PILRB: variants seen among roughly 807,000 people sequenced by gnomAD.
The protein encoded by PILRB is paired immunoglobin like type 2 receptor beta, also known as paired immunoglobulin-like type 2 receptor beta.
PILRB carries 21 observed loss-of-function variants against 20.5 expected under a neutral mutation model. That is an observed-to-expected ratio of 1.02 (90% CI 0.72 to 1.47). The LOEUF (loss-of-function observed/expected upper bound fraction) is 1.47, where lower values mean the gene tolerates loss of function less well. PILRB is among the 40% of genes most tolerant of loss of function. PILRB has a pLI of 0.00. For missense variants in PILRB, 253 were observed against 272.1 expected (o/e 0.93, Z 0.49); for synonymous variants, 133 against 115.1 (o/e 1.16, Z -0.99).
chr7:100,367,392 G>A lies in PILRB; in HGVS notation c.*15G>A. 1.3e-6 allele frequency: 1 copy of A among 781,026 alleles called. No homozygotes were observed. The allele number at this position is 781,026 out of a possible 1,614,324, so 48.4% of individuals were successfully genotyped here. On this transcript the variant is annotated 3_prime_UTR_variant, in exon 4 of 4. Coordinates refer to ENST00000609309, the MANE Select transcript of PILRB (RefSeq NM_178238.4). ...GTGACTTCTGACCAACAGAGTGTGG[G>A]GAGAAGGGATGTGTATTAGCCCCGG... is the stretch of plus-strand genomic sequence containing the variant.
intron 2 of PILRB, 54 bp downstream of exon 2, chr7:100,359,133 G>C: frequency 6.2e-7 from 1 of 1,605,658 alleles, no homozygotes. Context: ...GGGTTTTGGT[G>C]ACCACTGATG....
At chr7:100,366,752 A>AGGGGAGGGAAGGAAGAGATGGGTG (rs1790701265) in intron 3 of PILRB, among the ~76,000 whole-genome samples, 1 of 151,754 alleles carries the variant, frequency 6.6e-6, no homozygotes, top group South Asian at 2.1e-4. Flanking sequence ...TGTCAAGGGA[A>AGGGGAGGGAAGGAAGAGATGGGTG]GGGGAGGGAA....
At chr7:100,363,132 T>TAAAA (rs771904107) in intron 3 of PILRB, among the ~76,000 whole-genome samples, 6 of 85,030 alleles carry the variant, frequency 7.1e-5, no homozygotes, top group Admixed American at 4.0e-4. Flanking sequence ...CATCTCTACT[T>TAAAA]AAAAAAAAAA....
chr7:100,358,498 G>GT lies in PILRB; in HGVS notation c.64+133dup, dbSNP rs578188263. The GT allele has an allele frequency of 5.5e-6, 7 of 1,272,686 alleles. No homozygotes were observed. In the South Asian group the frequency reaches 9.7e-5, roughly 18 times the overall value. 78.8% of individuals were successfully genotyped at this position (1,272,686 alleles called of 1,614,324 possible). A position where few individuals can be genotyped will look rare whatever the true frequency, so the allele number is the denominator to read the frequency against. On this transcript the variant is annotated intron_variant, in intron 1 of 3. Coordinates refer to ENST00000609309, the MANE Select transcript of PILRB (RefSeq NM_178238.4). Reference sequence around the variant, plus strand: ...GCAAACAAGGGCGGGTCCCATAGGGGTGGGTGCCGCCATCTCTTCCCCCTC... The same window carrying GT: ...GCAAACAAGGGCGGGTCCCATAGGGGTTGGGTGCCGCCATCTCTTCCCCCTC...
At chr7:100,359,947 C>T (rs1205340695) in intron 3 of PILRB, among the ~76,000 whole-genome samples, 2 of 152,122 alleles carry the variant, frequency 1.3e-5, no homozygotes, top group Non-Finnish European at 2.9e-5. Context: ...CGCTTGAACC[C>T]GGGAGGCAGA....
chr7:100,365,619 G>A (rs925205327), intron 3 of PILRB, among the ~76,000 whole-genome samples: 3 of 152,128 alleles, frequency 2.0e-5, no homozygotes, highest in African/African-American at 7.2e-5. Flanking sequence ...TGGAGTTCGA[G>A]CCCAGCCTGG....
At chr7:100,366,138 G>C (rs1044552795) in intron 3 of PILRB, among the ~76,000 whole-genome samples, 4 of 151,946 alleles carry the variant, frequency 2.6e-5, no homozygotes, top group Non-Finnish European at 5.9e-5. Context: ...AATTTTAGTA[G>C]AGACAGGTTT....
intron 3 of PILRB, among the ~76,000 whole-genome samples, chr7:100,362,393 C>T (rs1790553716): frequency 6.6e-6 from 1 of 152,120 alleles, no homozygotes; most frequent in Admixed American, 6.6e-5. Flanking sequence ...CCCTGGAATG[C>T]ATGTATCACC....
intron 3 of PILRB, among the ~76,000 whole-genome samples, chr7:100,366,353 T>A (rs1284452102): frequency 6.6e-6 from 1 of 152,006 alleles, no homozygotes; most frequent in Non-Finnish European, 1.5e-5. Context: ...ACAAAAAACC[T>A]GTAGAAGTGG....
At chr7:100,365,630 C>T (rs1790659320) in intron 3 of PILRB, among the ~76,000 whole-genome samples, 1 of 152,096 alleles carries the variant, frequency 6.6e-6, no homozygotes, top group Admixed American at 6.5e-5. Flanking sequence ...CCCAGCCTGG[C>T]CAACATGGCG....
chr7:100,364,292 A>G, intron 3 of PILRB, among the ~76,000 whole-genome samples: 1 of 152,190 alleles, frequency 6.6e-6, no homozygotes, highest in Non-Finnish European at 1.5e-5. Flanking sequence ...ATAAAGGTGC[A>G]TCTCTGCCAA....
intron 3 of PILRB, among the ~76,000 whole-genome samples, chr7:100,364,335 T>C (rs1790615088): frequency 6.6e-6 from 1 of 152,170 alleles, no homozygotes; most frequent in South Asian, 2.1e-4. Flanking sequence ...AAGACTTCAA[T>C]GTAAGACCCA....
intron 3 of PILRB, among the ~76,000 whole-genome samples, chr7:100,366,833 C>T (rs989381487): frequency 3.9e-5 from 6 of 151,910 alleles, no homozygotes; most frequent in African/African-American, 7.3e-5. Flanking sequence ...AGCTCAAGAG[C>T]GAAGGAAGCC....
intron 3 of PILRB, among the ~76,000 whole-genome samples, chr7:100,366,828 A>G (rs1339075780): frequency 6.6e-6 from 1 of 152,146 alleles, no homozygotes; most frequent in Non-Finnish European, 1.5e-5. Context: ...CAGAGAGCTC[A>G]AGAGCGAAGG....
At chr7:100,360,101 C>T (rs1790484943) in intron 3 of PILRB, among the ~76,000 whole-genome samples, 1 of 152,194 alleles carries the variant, frequency 6.6e-6, no homozygotes, top group Non-Finnish European at 1.5e-5. Flanking sequence ...TCTCAGTCAT[C>T]AATCATCCAC....
chr7:100,367,727 T>G lies in PILRB; in HGVS notation c.*350T>G. The G allele has an allele frequency of 3.7e-6, 1 of 272,450 alleles. No homozygotes were observed. Among genetic ancestry groups the G allele is most frequent in the Non-Finnish European group, 7.0e-6 (1 of 142,572 alleles). 16.9% of individuals were successfully genotyped at this position (272,450 alleles called of 1,614,324 possible). ...ATGGAAAAATACAATTTATTTTGCT[T>G]ACCATACACCCCTTTTCTCCTCGTC... On this transcript the variant is annotated 3_prime_UTR_variant, in exon 4 of 4. Coordinates refer to ENST00000609309, the MANE Select transcript of PILRB (RefSeq NM_178238.4).
intron 3 of PILRB, among the ~76,000 whole-genome samples, chr7:100,364,909 G>A (rs1408108520): frequency 6.6e-6 from 1 of 151,916 alleles, no homozygotes; most frequent in East Asian, 1.9e-4. Flanking sequence ...AACTATGATT[G>A]TGCCACTGCA....
Position 100,358,293 on chromosome 7 carries a change from G to A in PILRB, c.-10G>A, listed in dbSNP as rs1165959383. The A allele has an allele frequency of 1.9e-6, 3 of 1,612,460 alleles. No homozygotes were observed. Among genetic ancestry groups the A allele is most frequent in the Non-Finnish European group, 2.5e-6 (3 of 1,180,006 alleles). The stretch of plus-strand genomic sequence containing the variant: ...GCTGGTCTCCCCGTCCCCTGGAGAA[G>A]AACAAGGCCATGGGTCGGCCCCTGC... On this transcript the variant is annotated 5_prime_UTR_variant, in exon 1 of 4. Transcript: ENST00000609309.
At chr7:100,365,640 G>A (rs1790659625) in intron 3 of PILRB, among the ~76,000 whole-genome samples, 1 of 152,094 alleles carries the variant, frequency 6.6e-6, no homozygotes, top group Non-Finnish European at 1.5e-5. Flanking sequence ...CCAACATGGC[G>A]AAACCCTGTC....
Sources: allele counts gnomAD v4.1 joint callset (sites outside exome capture counted in the v4.1 genomes callset), GRCh38; gene constraint gnomAD v4.1.1; transcripts MANE v1.5; gene names NCBI Gene and HGNC (gene_info 2026-07-23, HGNC 2026-07-21).